CDH16: variants seen among roughly 807,000 people sequenced by gnomAD.
CDH16 encodes cadherin-16.
A neutral mutation model predicts 87.6 loss-of-function variants in CDH16; 79 were observed. The ratio of observed to expected loss-of-function variants is 0.90; its 90% CI spans 0.75 to 1.09. The LOEUF (loss-of-function observed/expected upper bound fraction) is 1.09. CDH16 is among the 50% of genes least tolerant of loss of function. CDH16 has a pLI of 0.00. For missense variants in CDH16, 1,124 were observed against 1,071.7 expected, an observed-to-expected ratio of 1.05 and a Z score of -0.68; for synonymous variants, 457 against 439.5, an observed-to-expected ratio of 1.04 and a Z score of -0.50.
intron 7 of CDH16, among the ~76,000 whole-genome samples, 173 bp from the exon 8 acceptor site, chr16:66,913,786 G>A (rs569734223): frequency 6.6e-6 from 1 of 152,290 alleles, no homozygotes; most frequent in East Asian, 1.9e-4. Flanking sequence ...TGTTGTTAGT[G>A]GCCTTGCCCT....
intron 2 of CDH16, 54 bp downstream of exon 2, chr16:66,917,967 G>C: frequency 1.4e-6 from 2 of 1,445,462 alleles, no homozygotes; most frequent in South Asian, 1.3e-5. Context: ...TGGGGGCAAG[G>C]GTGTCAACCC....
In CDH16 at chr16:66,917,389, TC is replaced by T. The variant is rs376359314; in HGVS notation, c.129+252del. Among the ~76,000 whole-genome samples the T allele has an allele frequency of 1.5e-4, 23 of 152,186 alleles. No individual in the cohort carries two copies. In the East Asian group the frequency reaches 4.2e-3, roughly 28 times the overall value. ...ATGAATTTCCTATCTAGATTTGGGT[TC>T]CATTCCCCAAGATATCTCATGATAT... On this transcript the variant is annotated intron_variant, in intron 3 of 17. Coordinates refer to ENST00000299752, the MANE Select transcript of CDH16 (RefSeq NM_004062.4).
At position 66,917,718 on chromosome 16, in the gene CDH16, G is replaced by A. The variant is rs1047782243; in HGVS notation, c.53C>T (p.Pro18Leu). Residue 18 changes from proline to leucine, a missense_variant, in exon 3 of 18, where the codon CCC (proline) becomes CTC (leucine). Coordinates refer to ENST00000299752, the MANE Select transcript of CDH16 (RefSeq NM_004062.4). Reference protein sequence around the residue: ...LLCVSVPQALPKAQPAELSVE... With the variant: ...LLCVSVPQALLKAQPAELSVE... ...AGACAGCTCTGCAGGCTGGGCCTTG[G>A]GGAGAGCCTGTGGGAGGATTCTCAC... The A allele has an allele frequency of 1.2e-5, 20 of 1,610,842 alleles. No individual in the cohort carries two copies. The highest frequency in any genetic ancestry group is 1.7e-5 in the Admixed American group (1 of 59,648).
At position 66,909,067 on chromosome 16, in the gene CDH16, C is replaced by T. The variant is rs1962288139; in HGVS notation, c.2392+200G>A. Among the ~76,000 whole-genome samples, 2 of 152,180 alleles carry T rather than the reference C, an allele frequency of 1.3e-5. No homozygotes were observed. Among genetic ancestry groups the T allele is most frequent in the Admixed American group, 1.3e-4 (2 of 15,280 alleles). On this transcript the variant is annotated intron_variant, in intron 17 of 17. Transcript: ENST00000299752. This position sits in a 1 kb window ranked among gnomAD's most constrained non-coding sequence, Gnocchi z 4.1. ...TAGTCCCTGCCACACAGTCAATGTG[C>T]AATCATGTGACCGTAGATGCTACTA...
In CDH16 at chr16:66,911,993, G is replaced by T. The variant is rs571466391; in HGVS notation, c.1696C>A (p.Gln566Lys). Reference protein sequence around the residue: ...ERVMPPPKLDQESYEASVPIS... With the variant: ...ERVMPPPKLDKESYEASVPIS... ...GGGACACTGGCCTCGTAGCTCTCCTGGTCCAACTTGGGGGGTGGCATCACT... is the reference window on the plus strand; with the variant it reads ...GGGACACTGGCCTCGTAGCTCTCCTTGTCCAACTTGGGGGGTGGCATCACT... Residue 566 changes from glutamine (Q) to lysine (K), a missense_variant, in exon 13 of 18, where the codon CAG becomes AAG. Transcript: ENST00000299752. 1.4e-5 allele frequency: 23 copies of T among 1,614,036 alleles called. No homozygotes were observed. The highest frequency in any genetic ancestry group is 1.9e-5 in the Non-Finnish European group (23 of 1,180,030).
chr16:66,914,924 G>A (rs548652260), intron 6 of CDH16, among the ~76,000 whole-genome samples: 4 of 152,090 alleles, frequency 2.6e-5, no homozygotes, highest in African/African-American at 9.7e-5. Flanking sequence ...GCCATCAGTC[G>A]CAAGGTTGCC....
chr16:66,913,017 T>C, intron 9 of CDH16, 114 bp downstream of exon 9: 1 of 1,320,206 alleles, frequency 7.6e-7, no homozygotes, highest in Non-Finnish European at 1.1e-6. Context: ...TGTGTGTGTG[T>C]GTGTGTTATG....
At chr16:66,918,300 G>A (rs1435624552) in intron 1 of CDH16, among the ~76,000 whole-genome samples, 2 of 152,186 alleles carry the variant, frequency 1.3e-5, no homozygotes, top group African/African-American at 4.8e-5. Context: ...GGTCCATCAA[G>A]CACTCTATCA....
Position 66,912,514 on chromosome 16 carries a change from A to T in CDH16, c.1349T>A (p.Ile450Asn), listed in dbSNP as rs1567532949. The change falls in exon 11 of 18, where the codon ATC becomes AAC. Residue 450 changes from isoleucine to asparagine, a missense_variant. Ile to Asn is a moderately radical substitution (Grantham distance 149, BLOSUM62 -3). Coordinates refer to ENST00000299752, the MANE Select transcript of CDH16 (RefSeq NM_004062.4). ...TDINDHAPEF[I>N]TSQIGPISLP... ...CCTGCGTCTGCTTACCTGGGAAGTG[A>T]TGAACTCAGGGGCGTGATCATTGAT... is the stretch of plus-strand genomic sequence containing the variant. 6.2e-7 allele frequency: 1 copy of T among 1,614,120 alleles called. No homozygotes were observed. The highest frequency in any genetic ancestry group is 8.5e-7 in the Non-Finnish European group (1 of 1,180,006).
intron 15 of CDH16, 22 bp downstream of exon 15, chr16:66,910,238 C>T: frequency 6.4e-7 from 1 of 1,572,422 alleles, no homozygotes; most frequent in South Asian, 1.2e-5. Context: ...CCACAGCCTC[C>T]CTCCCTTTCC....
In CDH16 at chr16:66,911,952, G is replaced by C. The variant is rs200781356; in HGVS notation, c.1737C>G (p.Ala579=). 92 of 1,613,106 alleles carry C rather than the reference G, an allele frequency of 5.7e-5. No homozygotes were observed. The highest frequency in any genetic ancestry group is 1.5e-4 in the Admixed American group (9 of 59,976). ...YEASVPISAP[A]GSFLLTIQPS... ...GCTGGATGGTCAGCAGGAAAGAGCC[G>C]GCTGGGGCACTGATGGGGACACTGG... Residue 579 remains alanine (A), a synonymous_variant, in exon 13 of 18, where the codon GCC becomes GCG. Coordinates refer to ENST00000299752, the MANE Select transcript of CDH16 (RefSeq NM_004062.4).
intron 13 of CDH16, 94 bp from the exon 14 acceptor site, chr16:66,911,409 C>A: frequency 7.6e-7 from 1 of 1,319,300 alleles, no homozygotes; most frequent in Non-Finnish European, 1.0e-6. Context: ...TTAAATTCCA[C>A]ACCCTCTCTG....
In CDH16 at chr16:66,914,321, G is replaced by A. The variant is rs945999893; in HGVS notation, c.675C>T (p.Ala225=). 1 of 1,614,060 alleles carries A rather than the reference G, an allele frequency of 6.2e-7. No homozygotes were observed. Among genetic ancestry groups the A allele is most frequent in the African/African-American group, 1.3e-5 (1 of 74,928 alleles). The change falls in exon 7 of 18, where the codon GCC becomes GCT. Residue 225 remains alanine, a synonymous_variant. Transcript: ENST00000299752. ...DMGDQASGHQ[A]TATVEVSIIE... is the part of the protein sequence containing the mutation. ...TGATGGAGACTTCCACGGTGGCAGT[G>A]GCCTGGTGGCCTGAGGCCTGGTCAC...
In CDH16 at chr16:66,916,400, G is replaced by A. The variant is rs372872952; in HGVS notation, c.159C>T (p.Gly53=). ...CTGAGTCCCCTGACAGCACGATCTG[G>A]CCTTCAGCCCCCTCACGGGGCAGCG... The part of the protein sequence containing the change: ...KLPLPREGAE[G]QIVLSGDSGK... The change falls in exon 4 of 18, where the codon GGC becomes GGT. Residue 53 remains glycine, a synonymous_variant. Coordinates refer to ENST00000299752, the MANE Select transcript of CDH16 (RefSeq NM_004062.4). The surrounding 1 kb of genome is among the most constrained non-coding windows in gnomAD (Gnocchi z 4.1). The A allele has an allele frequency of 3.5e-5, 56 of 1,610,776 alleles. No individual in the cohort carries two copies. Among genetic ancestry groups the A allele is most frequent in the Non-Finnish European group, 4.5e-5 (53 of 1,177,854 alleles).
At position 66,910,409 on chromosome 16, in the gene CDH16, T is replaced by G. The variant is rs752196216; in HGVS notation, c.2018A>C (p.Gln673Pro). Reference protein sequence around the residue: ...PALTLAPVPSQYLCTPRQDHG... With the variant: ...PALTLAPVPSPYLCTPRQDHG... Reference sequence around the variant, plus strand: ...GTCTTGGCGGGGTGTGCAGAGGTATTGGGAGGGCACAGGGGCAAGAGTCAG... The same window carrying G: ...GTCTTGGCGGGGTGTGCAGAGGTATGGGGAGGGCACAGGGGCAAGAGTCAG... The change falls in exon 15 of 18, where the codon CAA (glutamine) becomes CCA (proline). Residue 673 changes from glutamine (Q) to proline (P), a missense_variant. Physicochemically the swap from Gln to Pro is moderately conservative, Grantham distance 76. Transcript: ENST00000299752. 1.9e-6 allele frequency: 3 copies of G among 1,610,380 alleles called. No homozygotes were observed. The highest frequency in any genetic ancestry group is 1.7e-5 in the Admixed American group (1 of 59,576).
Position 66,911,922 on chromosome 16 carries a change from G to A in CDH16, c.1767C>T (p.Ser589=), listed in dbSNP as rs138976830. The A allele has an allele frequency of 7.6e-5, 123 of 1,608,634 alleles. No individual in the cohort carries two copies. The highest frequency in any genetic ancestry group is 6.9e-4 in the Admixed American group (41 of 59,832). ...ACCTGAGGGTTCGGCTGATGGGGTC[G>A]GAGGGCTGGATGGTCAGCAGGAAAG... is the stretch of plus-strand genomic sequence containing the variant. ...AGSFLLTIQP[S]DPISRTLRFS... The change falls in exon 13 of 18, where the codon TCC becomes TCT. Residue 589 remains serine (S), a synonymous_variant. Transcript: ENST00000299752.
intron 15 of CDH16, 82 bp from the exon 16 acceptor site, chr16:66,910,175 C>A: frequency 6.4e-7 from 1 of 1,556,098 alleles, no homozygotes; most frequent in South Asian, 1.2e-5. Flanking sequence ...CTAGCCCCAC[C>A]CCCATGGTAG....
chr16:66,916,869 T>C lies in CDH16; in HGVS notation c.130-440A>G, dbSNP rs1596986254. ...CATGTGACAGGTCACAGTCAACACATAGTCAGAACTTTGTTTCATGCACAA... is the reference window on the plus strand; with the variant it reads ...CATGTGACAGGTCACAGTCAACACACAGTCAGAACTTTGTTTCATGCACAA... On this transcript the variant is annotated intron_variant, in intron 3 of 17. Coordinates refer to ENST00000299752, the MANE Select transcript of CDH16 (RefSeq NM_004062.4). The surrounding 1 kb of genome is among the most constrained non-coding windows in gnomAD (Gnocchi z 4.1). 6.6e-6 allele frequency among the ~76,000 whole-genome samples: 1 copy of C among 152,278 alleles called. No homozygotes were observed. Among genetic ancestry groups the C allele is most frequent in the African/African-American group, 2.4e-5 (1 of 41,546 alleles).
chr16:66,915,535 C>T, intron 5 of CDH16, 157 bp from the exon 6 acceptor site: 1 of 755,696 alleles, frequency 1.3e-6, no homozygotes. Flanking sequence ...CCCAGATGAG[C>T]AAACTGAAGC....
Sources: allele counts gnomAD v4.1 joint callset (sites outside exome capture counted in the v4.1 genomes callset), GRCh38; gene constraint gnomAD v4.1.1; non-coding constraint Gnocchi (gnomAD v3.1); transcripts MANE v1.5; gene names NCBI Gene and HGNC (gene_info 2026-07-23, HGNC 2026-07-21).